The following ADD2 variants were observed in gnomAD, a reference collection of about 807,000 sequenced individuals.
ADD2 encodes the protein adducin 2.
A neutral mutation model predicts 83.0 loss-of-function variants in ADD2; 23 were observed. The ratio of observed to expected loss-of-function variants is 0.28; its 90% confidence interval spans 0.20 to 0.39. The LOEUF (loss-of-function observed/expected upper bound fraction) is 0.39, where lower values mean the gene tolerates loss of function less well. ADD2 is among the 10% of genes least tolerant of loss of function. The pLI is 1.00. For missense variants in ADD2, 758 were observed against 944.9 expected, an observed-to-expected ratio of 0.80 and a Z score of 2.59; for synonymous variants, 375 against 375.4, an observed-to-expected ratio of 1.00 and a Z score of 0.01.
chr2:70,726,174 G>A lies in ADD2; in HGVS notation c.-153-12990C>T, dbSNP rs12621875. On this transcript the variant is annotated intron_variant, in intron 1 of 15. Transcript: ENST00000264436. Reference sequence around the variant, plus strand: ...GGCACTCCAGCCTGGGCGACAGAGCGAGACTCCATCTCAAAAAAAAAAAAA... The same window carrying A: ...GGCACTCCAGCCTGGGCGACAGAGCAAGACTCCATCTCAAAAAAAAAAAAA... Among the ~76,000 whole-genome samples, 566 of 105,854 alleles carry A rather than the reference G, an allele frequency of 5.3e-3. 3 individuals carry two copies. The highest frequency in any genetic ancestry group is 0.049 in the East Asian group (174 of 3,578). 69.4% of individuals were successfully genotyped at this position (105,854 alleles called of 152,430 possible).
At chr2:70,701,756 T>C (rs1050093440) in intron 4 of ADD2, among the ~76,000 whole-genome samples, 1 of 151,896 alleles carries the variant, frequency 6.6e-6, no homozygotes, top group African/African-American at 2.4e-5. Context: ...AGAAAGAAAA[T>C]AGAATGGATA....
In ADD2 at chr2:70,674,879, C is replaced by A. The variant is rs368062308; in HGVS notation, c.1594-54G>T. On this transcript the variant is annotated intron_variant, in intron 13 of 15. Coordinates refer to ENST00000264436, the MANE Select transcript of ADD2 (RefSeq NM_001617.4). ...CTCTCTGAACGCCGCAGTTGGGGTG[C>A]AGGCCCCAGCTTCCTTTTAGATTCA... The A allele has an allele frequency of 9.5e-6, 15 of 1,571,066 alleles. No individual in the cohort carries two copies. The East Asian group carries it at 2.2e-4, about 24-fold the overall frequency.
chr2:70,720,619 T>C (rs1672688503), intron 1 of ADD2, among the ~76,000 whole-genome samples: 1 of 152,248 alleles, frequency 6.6e-6, no homozygotes, highest in South Asian at 2.1e-4. Flanking sequence ...TGACAGTTTG[T>C]ATTTCCCATT....
intron 1 of ADD2, among the ~76,000 whole-genome samples, chr2:70,714,906 A>C (rs1672388386): frequency 6.6e-6 from 1 of 152,206 alleles, no homozygotes; most frequent in African/African-American, 2.4e-5. Context: ...TGCCCCTAGA[A>C]GTAGCCTGCA....
At chr2:70,744,147 C>A (rs55822679) in intron 1 of ADD2, among the ~76,000 whole-genome samples, 41,706 of 152,002 alleles carry the variant, frequency 0.27, 6,006 homozygotes, top group Middle Eastern at 0.38. Flanking sequence ...CATTTGGTAA[C>A]CACCATGGAA....
intron 1 of ADD2, among the ~76,000 whole-genome samples, chr2:70,728,342 T>C (rs1460531766): frequency 1.3e-5 from 2 of 152,186 alleles, no homozygotes; most frequent in African/African-American, 4.8e-5. Context: ...GCCCTTAGCA[T>C]ATACCCAACC....
intron 1 of ADD2, among the ~76,000 whole-genome samples, chr2:70,751,376 T>C (rs1553382923): frequency 6.6e-6 from 1 of 152,102 alleles, no homozygotes; most frequent in African/African-American, 2.4e-5. Flanking sequence ...AAAATCTTAC[T>C]TCCTAGGATG....
chr2:70,690,828 G>A lies in ADD2; in HGVS notation c.807C>T (p.Ala269=), dbSNP rs782622736. ...GGCACTTCTGCAGGTTGATCCGATC[G>A]GCTTCCTGCTCCATTTCCCCATTGA... The part of the protein sequence containing the change: ...YDFNGEMEQE[A]DRINLQKCLG... The change falls in exon 8 of 16, where the codon GCC becomes GCT. Residue 269 remains alanine (A), a synonymous_variant. Transcript: ENST00000264436. 5.0e-6 allele frequency: 8 copies of A among 1,613,980 alleles called. No homozygotes were observed. The highest frequency in any genetic ancestry group is 4.0e-5 in the African/African-American group (3 of 74,914).
At chr2:70,759,267 T>C (rs1674958393) in intron 1 of ADD2, among the ~76,000 whole-genome samples, 1 of 152,196 alleles carries the variant, frequency 6.6e-6, no homozygotes, top group East Asian at 1.9e-4. Flanking sequence ...GGCCCTATGT[T>C]AGATCAAATA....
intron 1 of ADD2, among the ~76,000 whole-genome samples, chr2:70,749,276 G>C (rs748139428): frequency 1.3e-5 from 2 of 152,094 alleles, no homozygotes; most frequent in African/African-American, 2.4e-5. Flanking sequence ...CCTCCCACAG[G>C]GTCCCTCCCA....
At position 70,676,224 on chromosome 2, in the gene ADD2, A is replaced by G; in HGVS notation, c.1593+572T>C. ...TCACCCCTTTTGCTAAGCACTAGAC[A>G]AAACACTGTTCTATCTCAAGCACAA... On this transcript the variant is annotated intron_variant, in intron 13 of 15. Coordinates refer to ENST00000264436, the MANE Select transcript of ADD2 (RefSeq NM_001617.4). This position sits in a 1 kb window ranked among gnomAD's most constrained non-coding sequence, Gnocchi z 4.8. 1.0e-6 allele frequency: 1 copy of G among 986,674 alleles called. No individual in the cohort carries two copies. The highest frequency in any genetic ancestry group is 1.2e-6 in the Non-Finnish European group (1 of 830,826). The allele number at this position is 986,674 out of a possible 1,614,324, so 61.1% of individuals were successfully genotyped here.
chr2:70,748,904 G>T (rs958584049), intron 1 of ADD2, among the ~76,000 whole-genome samples: 1 of 152,162 alleles, frequency 6.6e-6, no homozygotes, highest in Admixed American at 6.5e-5. Flanking sequence ...GCAGCATTGA[G>T]CTATATAAGT....
Position 70,660,946 on chromosome 2 carries a change from GA to G in ADD2, c.*2478del. ...ATGCTCATGAACTTCTTGAGGGCAG[GA>G]ACTATGCCTATCCTCATGCCTGGCC... On this transcript the variant is annotated 3_prime_UTR_variant, in exon 16 of 16. Transcript: ENST00000264436. The G allele has an allele frequency of 6.6e-6, 1 of 152,288 alleles. No individual in the cohort carries two copies. Among genetic ancestry groups the G allele is most frequent in the East Asian group, 1.9e-4 (1 of 5,174 alleles). 9.4% of individuals were successfully genotyped at this position (152,288 alleles called of 1,614,324 possible).
rs144869244 is a variant in ADD2, at chr2:70,692,469, C to A, written c.639G>T (p.Ser213=). ...CGTCGGGCCTCGCTGCATAGATGGC[C>A]GAGTGCAGACAGAAGCCTGTGGTGT... ...PVDTTGFCLH[S]AIYAARPDVR... Residue 213 remains serine (S), a synonymous_variant, in exon 7 of 16, where the codon TCG becomes TCT. Coordinates refer to ENST00000264436, the MANE Select transcript of ADD2 (RefSeq NM_001617.4). The A allele has an allele frequency of 6.2e-7, 1 of 1,612,812 alleles. No individual in the cohort carries two copies. The highest frequency in any genetic ancestry group is 8.5e-7 in the Non-Finnish European group (1 of 1,179,522).
At chr2:70,752,245 G>GT (rs1262070240) in intron 1 of ADD2, among the ~76,000 whole-genome samples, 11 of 152,030 alleles carry the variant, frequency 7.2e-5, no homozygotes, top group African/African-American at 1.9e-4. Flanking sequence ...AATAAATTGG[G>GT]TTTTTTTAGG....
At chr2:70,746,085 C>G (rs1674179753) in intron 1 of ADD2, among the ~76,000 whole-genome samples, 1 of 152,184 alleles carries the variant, frequency 6.6e-6, no homozygotes, top group African/African-American at 2.4e-5. Flanking sequence ...TGTAAAATAG[C>G]ACCCAATAAA....
At chr2:70,715,916 C>T (rs1351572701) in intron 1 of ADD2, among the ~76,000 whole-genome samples, 2 of 152,146 alleles carry the variant, frequency 1.3e-5, no homozygotes, top group African/African-American at 4.8e-5. Context: ...ATCATGCCTC[C>T]ATCTCTCCAT....
chr2:70,749,593 C>G (rs961865749), intron 1 of ADD2, among the ~76,000 whole-genome samples: 1 of 152,084 alleles, frequency 6.6e-6, no homozygotes, highest in East Asian at 1.9e-4. Flanking sequence ...CTAGAAGCAA[C>G]CATTTGATAC....
At chr2:70,683,322 C>T (rs1465295157) in intron 10 of ADD2, among the ~76,000 whole-genome samples, 2 of 152,122 alleles carry the variant, frequency 1.3e-5, no homozygotes, top group Non-Finnish European at 2.9e-5. Context: ...CCACTGCGCC[C>T]GGCCTGGACT....
Sources: allele counts gnomAD v4.1 joint callset (sites outside exome capture counted in the v4.1 genomes callset), GRCh38; gene constraint gnomAD v4.1.1; non-coding constraint Gnocchi (gnomAD v3.1); transcripts MANE v1.5; gene names NCBI Gene and HGNC (gene_info 2026-07-23, HGNC 2026-07-21).